The following BARD1 variants were observed in gnomAD, a reference collection of about 807,000 sequenced individuals.
The protein encoded by BARD1 is BRCA1-associated RING domain protein 1.
In BARD1, 73 loss-of-function variants were observed where a neutral mutation model predicts 77.0. The ratio of observed to expected loss-of-function variants is 0.95; its 90% CI spans 0.79 to 1.15. The LOEUF (loss-of-function observed/expected upper bound fraction) is 1.15. BARD1 is among the 50% of genes most tolerant of loss of function. The probability of loss-of-function intolerance (pLI) is 0.00; values close to 1 mark genes in which losing one functional copy is unlikely to be tolerated. For missense variants in BARD1, 993 were observed against 938.8 expected (o/e 1.06, Z -0.75); for synonymous variants, 384 against 338.0 (o/e 1.14, Z -1.49).
intron 5 of BARD1, 60 bp from the exon 6 acceptor site, chr2:214,767,714 TTATAA>T (rs1694282944): frequency 6.9e-7 from 1 of 1,454,922 alleles, no homozygotes; most frequent in Non-Finnish European, 9.6e-7. Flanking sequence ...ATGGATGATA[TTATAA>T]TATCACACTT....
chr2:214,767,653 T>C lies in BARD1; in HGVS notation c.1397A>G (p.His466Arg), dbSNP rs730881418. 1.9e-6 allele frequency: 3 copies of C among 1,613,878 alleles called. No individual in the cohort carries two copies. Among genetic ancestry groups the C allele is most frequent in the Admixed American group, 1.7e-5 (1 of 59,980 alleles). Residue 466 changes from histidine (H) to arginine (R), a missense_variant and splice_region_variant, in exon 6 of 11, where the codon CAT (histidine) becomes CGT (arginine). His to Arg is a conservative substitution (Grantham distance 29). Transcript: ENST00000260947. ...CAGGTGCCCATGATTGCAAGCTTCA[T>C]GCTAATTAAATTTTTTGAAAAAGAA... ...VKDHAGWTPL[H>R]EACNHGHLKV...
intron 3 of BARD1, among the ~76,000 whole-genome samples, chr2:214,788,604 G>A (rs1022486811): frequency 4.0e-5 from 6 of 151,812 alleles, no homozygotes; most frequent in African/African-American, 1.5e-4. Context: ...TGAACTACAG[G>A]GTTTTTAAAA....
rs1415703291 is a variant in BARD1 at position 214,781,246 on chromosome 2, T to C, written c.628A>G (p.Thr210Ala). ...ARSGKKQKKK[T>A]LAEINQKWNL... ...CATTTTTGGTTGATTTCAGCTAAAG[T>C]TTTCTTTTTTTGCTTTTTTCCAGAT... is the stretch of plus-strand genomic sequence containing the variant. The change falls in exon 4 of 11, where the codon ACT becomes GCT. Residue 210 changes from threonine to alanine, a missense_variant. Physicochemically the swap from Thr to Ala is moderately conservative, Grantham distance 58. Coordinates refer to ENST00000260947, the MANE Select transcript of BARD1 (RefSeq NM_000465.4). 6.3e-7 allele frequency: 1 copy of C among 1,595,032 alleles called. No homozygotes were observed. Among genetic ancestry groups the C allele is most frequent in the Non-Finnish European group, 8.5e-7 (1 of 1,175,432 alleles).
At position 214,725,832 on chromosome 2, in the gene BARD1, A is replaced by T; in HGVS notation, c.*2844T>A. Reference sequence around the variant, plus strand: ...TTAATGTGTTCAGGGTAGGAAACAGAATAGACAATTGTGACTGTAATGAGG... The same window carrying T: ...TTAATGTGTTCAGGGTAGGAAACAGTATAGACAATTGTGACTGTAATGAGG... On this transcript the variant is annotated 3_prime_UTR_variant, in exon 11 of 11. Coordinates refer to ENST00000260947, the MANE Select transcript of BARD1 (RefSeq NM_000465.4). 1 of 221,586 alleles carries T rather than the reference A, an allele frequency of 4.5e-6. No individual in the cohort carries two copies. Among genetic ancestry groups the T allele is most frequent in the Non-Finnish European group, 9.0e-6 (1 of 110,638 alleles). 13.7% of individuals were successfully genotyped at this position (221,586 alleles called of 1,614,324 possible).
At chr2:214,784,724 C>T (rs1042085533) in intron 3 of BARD1, among the ~76,000 whole-genome samples, 2 of 152,064 alleles carry the variant, frequency 1.3e-5, no homozygotes, top group Non-Finnish European at 2.9e-5. Flanking sequence ...ATGTACTTTG[C>T]AGGGACATGG....
At chr2:214,736,004 T>C (rs1042402687) in intron 9 of BARD1, among the ~76,000 whole-genome samples, 1 of 152,088 alleles carries the variant, frequency 6.6e-6, no homozygotes, top group Non-Finnish European at 1.5e-5. Flanking sequence ...TTTTTTAATA[T>C]GAAAGTCATA....
At chr2:214,747,971 T>C (rs542894535) in intron 7 of BARD1, among the ~76,000 whole-genome samples, 1 of 152,040 alleles carries the variant, frequency 6.6e-6, no homozygotes, top group South Asian at 2.1e-4. Context: ...AACACTACAG[T>C]ATTTCAAAAA....
At chr2:214,748,306 G>C (rs768753086) in intron 7 of BARD1, among the ~76,000 whole-genome samples, 1 of 152,126 alleles carries the variant, frequency 6.6e-6, no homozygotes, top group Non-Finnish European at 1.5e-5. Context: ...GAGGTGGCAT[G>C]GGGGCTGGGG....
In BARD1 at chr2:214,734,154, G is replaced by A. The variant is rs184340567; in HGVS notation, c.1904-3646C>T. Among the ~76,000 whole-genome samples, 899 of 152,066 alleles carry A rather than the reference G, an allele frequency of 5.9e-3. 7 individuals are homozygous for A. Among genetic ancestry groups the A allele is most frequent in the Non-Finnish European group, 7.7e-3 (522 of 67,912 alleles). On this transcript the variant is annotated intron_variant, in intron 9 of 10. Transcript: ENST00000260947. ...TGCAAAGTTGTTTCTGAAAATAATG[G>A]AGGACCAATATATTTTAAATATTAA...
In BARD1 at chr2:214,781,174, C is replaced by A. The variant is rs905491643; in HGVS notation, c.700G>T (p.Glu234Ter). 1 of 1,584,032 alleles carries A rather than the reference C, an allele frequency of 6.3e-7. No individual in the cohort carries two copies. The highest frequency in any genetic ancestry group is 1.7e-4 in the Middle Eastern group (1 of 5,878). The change falls in exon 4 of 11, where the codon GAA becomes TAA. Residue 234 changes from glutamate to a stop codon, truncating the protein, a stop_gained. Coordinates refer to ENST00000260947, the MANE Select transcript of BARD1 (RefSeq NM_000465.4). LOFTEE classifies it high-confidence loss of function. The part of the protein sequence containing the change: ...KEDGEFDSKE[E>*]SKQKLVSFCS... ...AAGGATACCAGCTTTTGCTTAGATT[C>A]CTCTTTGGAGTCAAATTCACCATCT...
rs371830908 is a variant in BARD1 at position 214,780,547 on chromosome 2, G to A, written c.1314+13C>T. ...CCTCATTCTGAGATGGTATTTCAGA[G>A]TAAGCATCCTACCTTAATAGAAGCA... is the stretch of plus-strand genomic sequence containing the variant. On this transcript the variant is annotated intron_variant, in intron 4 of 10. Transcript: ENST00000260947. The A allele has an allele frequency of 7.5e-6, 12 of 1,607,138 alleles. No individual in the cohort carries two copies. Among genetic ancestry groups the A allele is most frequent in the African/African-American group, 1.3e-5 (1 of 74,796 alleles).
chr2:214,757,931 A>AT (rs1378146828), intron 6 of BARD1, among the ~76,000 whole-genome samples: 1 of 142,766 alleles, frequency 7.0e-6, no homozygotes, highest in Non-Finnish European at 1.5e-5. Context: ...TTTTAGAACC[A>AT]CCAAAAAAAA....
chr2:214,732,039 T>TA (rs1692378533), intron 9 of BARD1, among the ~76,000 whole-genome samples: 1 of 152,216 alleles, frequency 6.6e-6, no homozygotes, highest in South Asian at 2.1e-4. Context: ...TCTAATGGCT[T>TA]AAAATGATCA....
Position 214,809,426 on chromosome 2 carries a change from C to T in BARD1, c.144G>A (p.Leu48=), listed in dbSNP as rs151168457. ...RAALDRLEKL[L]RCSRCTNILR... is the part of the protein sequence containing the mutation. Reference sequence around the variant, plus strand: ...TCCGTCTTTACCAACGCGAGCAGCGCAGCAGCTTCTCCAGGCGGTCGAGCG... The same window carrying T: ...TCCGTCTTTACCAACGCGAGCAGCGTAGCAGCTTCTCCAGGCGGTCGAGCG... Residue 48 remains leucine (L), a synonymous_variant, in exon 1 of 11, where the codon CTG becomes CTA. Transcript: ENST00000260947. The T allele has an allele frequency of 1.0e-4, 168 of 1,612,482 alleles. 1 individual carries two copies. In the African/African-American group the frequency reaches 1.4e-3, roughly 13 times the overall value.
In BARD1 at chr2:214,809,450, C is replaced by G. The variant is rs1559454255; in HGVS notation, c.120G>C (p.Ala40=). 1 of 1,611,576 alleles carries G rather than the reference C, an allele frequency of 6.2e-7. No homozygotes were observed. The highest frequency in any genetic ancestry group is 1.1e-5 in the South Asian group (1 of 90,932). ...GCAGCAGCTTCTCCAGGCGGTCGAG[C>G]GCGGCGCGACTGTGGGCCCAGGCAC... The part of the protein sequence containing the change: ...GRGAWAHSRA[A]LDRLEKLLRC... The change falls in exon 1 of 11, where the codon GCG becomes GCC. Residue 40 remains alanine (A), a synonymous_variant. Coordinates refer to ENST00000260947, the MANE Select transcript of BARD1 (RefSeq NM_000465.4).
intron 4 of BARD1, among the ~76,000 whole-genome samples, chr2:214,771,195 T>C (rs1206998240): frequency 1.3e-5 from 2 of 152,076 alleles, no homozygotes; most frequent in Non-Finnish European, 2.9e-5. Flanking sequence ...TCCATGACGA[T>C]AAAGCAAAAA....
At chr2:214,805,015 G>C (rs1696203789) in intron 1 of BARD1, among the ~76,000 whole-genome samples, 1 of 152,068 alleles carries the variant, frequency 6.6e-6, no homozygotes, top group Non-Finnish European at 1.5e-5. Flanking sequence ...ACAAAAATTA[G>C]CCGGGTTTGG....
At chr2:214,781,588 C>T in intron 3 of BARD1, 79 bp from the exon 4 acceptor site, 1 of 1,137,646 alleles carries the variant, frequency 8.8e-7, no homozygotes. Context: ...ATTTTGTTTA[C>T]AGTTCCCCTA....
intron 7 of BARD1, among the ~76,000 whole-genome samples, chr2:214,751,136 TATA>T (rs1693412729): frequency 2.2e-5 from 1 of 46,100 alleles, no homozygotes; most frequent in Non-Finnish European, 5.4e-5. Context: ...TATATATATA[TATA>T]TATATATATA....
Sources: allele counts gnomAD v4.1 joint callset (sites outside exome capture counted in the v4.1 genomes callset), GRCh38; gene constraint gnomAD v4.1.1; transcripts MANE v1.5; gene names NCBI Gene and HGNC (gene_info 2026-07-23, HGNC 2026-07-21).